OCIAD1: variants seen among roughly 807,000 people sequenced by gnomAD.
OCIAD1 encodes the protein OCIA domain containing 1.
A neutral mutation model predicts 38.9 loss-of-function variants in OCIAD1; 29 were observed. The observed-to-expected ratio is 0.74, with a 90% CI of 0.55 to 1.02. The LOEUF (loss-of-function observed/expected upper bound fraction) is 1.02, where lower values mean the gene tolerates loss of function less well. Among genes scored for constraint, OCIAD1 ranks in the 50% least tolerant of loss-of-function variants. OCIAD1 has a pLI of 0.00. For synonymous variants in OCIAD1, 110 were observed against 92.0 expected (o/e 1.20, Z -1.12); for missense variants, 288 against 289.6 (o/e 0.99, Z 0.04).
intron 4 of OCIAD1, among the ~76,000 whole-genome samples, chr4:48,843,514 G>T (rs1235771091): frequency 6.6e-6 from 1 of 152,182 alleles, no homozygotes. Context: ...GACACAATTA[G>T]TTGATAAAAG....
chr4:48,829,268 A>AC (rs370943811), upstream of OCIAD1, among the ~76,000 whole-genome samples: 18 of 152,212 alleles, frequency 1.2e-4, no homozygotes, highest in African/African-American at 4.3e-4. Context: ...CTAAAAAAAA[A>AC]AACAACAAAA....
upstream of OCIAD1, among the ~76,000 whole-genome samples, chr4:48,829,985 A>G (rs759777026): frequency 1.8e-4 from 27 of 152,226 alleles, no homozygotes; most frequent in Admixed American, 5.9e-4. Context: ...AAGGCATCAC[A>G]AAGGTGGTGA....
chr4:48,828,485 G>T (rs1777274313), upstream of OCIAD1, among the ~76,000 whole-genome samples: 3 of 152,140 alleles, frequency 2.0e-5, no homozygotes, highest in South Asian at 6.2e-4. Flanking sequence ...TTGTTCTTTT[G>T]CTCTTTGCAA....
chr4:48,851,295 C>T (rs1488711472), intron 6 of OCIAD1, among the ~76,000 whole-genome samples: 2 of 152,210 alleles, frequency 1.3e-5, no homozygotes, highest in Non-Finnish European at 2.9e-5. Flanking sequence ...CTGACAGTGA[C>T]TGCTTTTAAG....
chr4:48,861,320 A>G lies in OCIAD1; in HGVS notation c.*558A>G, dbSNP rs1472717920. 6.6e-6 allele frequency: 1 copy of G among 152,326 alleles called. No individual in the cohort carries two copies. The highest frequency in any genetic ancestry group is 1.5e-5 in the Non-Finnish European group (1 of 68,194). 9.4% of individuals were successfully genotyped at this position (152,326 alleles called of 1,614,324 possible). ...TTGATTTATTTTTAAGCTAGTTATA[A>G]TCATGTAGGTATAGGAAATAAAGTC... On this transcript the variant is annotated 3_prime_UTR_variant, in exon 9 of 9. Transcript: ENST00000264312.
chr4:48,842,782 A>G lies in OCIAD1; in HGVS notation c.193+93A>G, dbSNP rs575541609. On this transcript the variant is annotated intron_variant, in intron 4 of 8. Transcript: ENST00000264312. Reference sequence around the variant, plus strand: ...GTCTTTAGAAAAAGTAAAGATAACAATGTATCATATTAAACACTATGTAGA... The same window carrying G: ...GTCTTTAGAAAAAGTAAAGATAACAGTGTATCATATTAAACACTATGTAGA... 30 of 672,270 alleles carry G rather than the reference A, an allele frequency of 4.5e-5. No individual in the cohort carries two copies. The East Asian group carries it at 6.7e-4, about 15-fold the overall frequency. The allele number at this position is 672,270 out of a possible 1,614,324, so 41.6% of individuals were successfully genotyped here. A position where few individuals can be genotyped will look rare whatever the true frequency, so the allele number is the denominator to read the frequency against.
chr4:48,821,491 A>G (rs1777193687), intron 1 of OCIAD1, among the ~76,000 whole-genome samples: 1 of 152,234 alleles, frequency 6.6e-6, no homozygotes, highest in Non-Finnish European at 1.5e-5. Flanking sequence ...AAACCAGCAC[A>G]AGGGTGTCCT....
At chr4:48,828,038 T>C (rs933030715), upstream of OCIAD1, among the ~76,000 whole-genome samples, 1 of 152,166 alleles carries the variant, frequency 6.6e-6, no homozygotes, top group African/African-American at 2.4e-5. Context: ...GCACTCTTTG[T>C]CTACCTAAAG....
intron 1 of OCIAD1, among the ~76,000 whole-genome samples, chr4:48,818,511 T>C (rs1019017437): frequency 2.0e-5 from 3 of 152,152 alleles, no homozygotes; most frequent in Admixed American, 6.5e-5. Flanking sequence ...CCAGAAGGCC[T>C]ATTCTCCTCC....
chr4:48,838,528 G>A (rs2354942), intron 3 of OCIAD1, among the ~76,000 whole-genome samples: 149,528 of 152,318 alleles, frequency 0.98, 73,451 homozygotes, highest in East Asian at 1. Context: ...TTGTAACCAG[G>A]TGATAGGAAG....
chr4:48,860,020 A>C (rs1560445475), intron 8 of OCIAD1: 2 of 152,326 alleles, frequency 1.3e-5, no homozygotes, highest in South Asian at 4.1e-4. Flanking sequence ...GTATTCCCTG[A>C]AGAGTCCACA....
intron 1 of OCIAD1, among the ~76,000 whole-genome samples, chr4:48,817,984 C>T (rs1420682779): frequency 3.3e-5 from 5 of 152,202 alleles, no homozygotes; most frequent in Admixed American, 6.5e-5. Flanking sequence ...GCAGCTTCAG[C>T]GGATTTAATC....
upstream of OCIAD1, among the ~76,000 whole-genome samples, chr4:48,826,390 G>C (rs1356841629): frequency 6.6e-6 from 1 of 152,138 alleles, no homozygotes; most frequent in Non-Finnish European, 1.5e-5. Flanking sequence ...ACCTATGAGT[G>C]AGAACATGCG....
At chr4:48,808,012 C>T (rs550007512) in intron 1 of OCIAD1, among the ~76,000 whole-genome samples, 1 of 152,300 alleles carries the variant, frequency 6.6e-6, no homozygotes, top group East Asian at 1.9e-4. Flanking sequence ...TATTAAAATA[C>T]TATTTTTATA....
In OCIAD1 at chr4:48,861,098, T is replaced by G. The variant is rs1025578655; in HGVS notation, c.*336T>G. On this transcript the variant is annotated 3_prime_UTR_variant, in exon 9 of 9. Transcript: ENST00000264312. Reference sequence around the variant, plus strand: ...TCAGCATATAAGAAAATAAATGATATCTGCATGTTGAATTGGGGTGGATGG... The same window carrying G: ...TCAGCATATAAGAAAATAAATGATAGCTGCATGTTGAATTGGGGTGGATGG... 28 of 217,110 alleles carry G rather than the reference T, an allele frequency of 1.3e-4. No individual in the cohort carries two copies. The highest frequency in any genetic ancestry group is 2.4e-4 in the Non-Finnish European group (27 of 111,166). 13.4% of individuals were successfully genotyped at this position (217,110 alleles called of 1,614,324 possible).
chr4:48,810,108 G>A (rs184207261), intron 1 of OCIAD1, among the ~76,000 whole-genome samples: 4 of 152,122 alleles, frequency 2.6e-5, no homozygotes, highest in East Asian at 1.9e-4. Flanking sequence ...TGGTGCTTGC[G>A]AAATATTAGA....
chr4:48,845,055 A>G (rs980109912), intron 4 of OCIAD1, among the ~76,000 whole-genome samples: 5 of 151,996 alleles, frequency 3.3e-5, no homozygotes, highest in Admixed American at 1.3e-4. Flanking sequence ...ACAGTGTGTC[A>G]TACTCCACGT....
chr4:48,855,104 T>C (rs1027934620), intron 7 of OCIAD1, among the ~76,000 whole-genome samples: 3 of 152,246 alleles, frequency 2.0e-5, no homozygotes, highest in African/African-American at 7.2e-5. Flanking sequence ...AAATATTTTT[T>C]ATAAGAAAAA....
intron 3 of OCIAD1, among the ~76,000 whole-genome samples, chr4:48,839,104 T>G (rs1320444356): frequency 6.6e-6 from 1 of 152,192 alleles, no homozygotes; most frequent in Admixed American, 6.5e-5. Flanking sequence ...ATTTCATATA[T>G]GTGTACTACT....
Sources: allele counts gnomAD v4.1 joint callset (sites outside exome capture counted in the v4.1 genomes callset), GRCh38; gene constraint gnomAD v4.1.1; transcripts MANE v1.5; gene names NCBI Gene and HGNC (gene_info 2026-07-23, HGNC 2026-07-21).